Variants in UNC13C observed in about 807,000 individuals in gnomAD.
UNC13C encodes unc-13 homolog C.
Under a neutral mutation model 245.4 loss-of-function variants are expected in UNC13C, and 174 were observed. That is an observed-to-expected ratio of 0.71 (90% CI 0.63 to 0.80). The LOEUF (loss-of-function observed/expected upper bound fraction) is 0.80, where lower values mean the gene tolerates loss of function less well. Ranked by LOEUF, UNC13C falls within the 30% of genes least tolerant of loss-of-function variation. The pLI, the probability that UNC13C is intolerant of heterozygous loss-of-function variation, is 0.00. For synonymous variants in UNC13C, 992 were observed against 895.1 expected (o/e 1.11, Z -1.93); for missense variants, 2,829 against 2,602.9 (o/e 1.09, Z -1.89).
At chr15:54,511,488 A>G (rs950551026) in intron 23 of UNC13C, among the ~76,000 whole-genome samples, 1 of 152,172 alleles carries the variant, frequency 6.6e-6, no homozygotes, top group African/African-American at 2.4e-5. Context: ...TTACAATGTT[A>G]AAGATAAAAG....
At chr15:54,602,740 C>G (rs1341544006) in intron 30 of UNC13C, among the ~76,000 whole-genome samples, 1 of 152,124 alleles carries the variant, frequency 6.6e-6, no homozygotes, top group East Asian at 1.9e-4. Flanking sequence ...TCAGTCACAG[C>G]CCCCACCCTC....
intron 1 of UNC13C, among the ~76,000 whole-genome samples, chr15:53,980,656 T>TA (rs773518185): frequency 9.8e-5 from 15 of 152,328 alleles, no homozygotes; most frequent in South Asian, 8.3e-4. Flanking sequence ...AGGTAAGGGT[T>TA]TATTTCCTAG....
At chr15:54,368,921 A>C in intron 17 of UNC13C, among the ~76,000 whole-genome samples, 1 of 152,134 alleles carries the variant, frequency 6.6e-6, no homozygotes, top group East Asian at 1.9e-4. Context: ...ATAAAGTCCA[A>C]AGAGTAAATG....
intron 30 of UNC13C, among the ~76,000 whole-genome samples, chr15:54,579,268 G>T (rs1275634044): frequency 6.6e-6 from 1 of 151,994 alleles, no homozygotes; most frequent in Non-Finnish European, 1.5e-5. Flanking sequence ...ATGGTTTTCT[G>T]TACTTTCAAA....
chr15:54,479,641 G>T (rs190198056), intron 19 of UNC13C, among the ~76,000 whole-genome samples: 3 of 150,982 alleles, frequency 2.0e-5, no homozygotes, highest in Non-Finnish European at 3.0e-5. Context: ...TCATATATCC[G>T]TTTTTCTTTA....
intron 10 of UNC13C, among the ~76,000 whole-genome samples, chr15:54,278,066 T>C (rs1398570305): frequency 1.3e-5 from 2 of 152,102 alleles, no homozygotes; most frequent in Non-Finnish European, 2.9e-5. Context: ...ATAACTCTTA[T>C]GTCAATGCTC....
chr15:54,111,435 A>G (rs751798831), intron 2 of UNC13C, among the ~76,000 whole-genome samples: 2 of 152,236 alleles, frequency 1.3e-5, no homozygotes, highest in Non-Finnish European at 2.9e-5. Context: ...AATCCCAATT[A>G]TAAAGCAAAT....
chr15:54,162,437 A>G (rs1297407183), intron 4 of UNC13C, among the ~76,000 whole-genome samples: 4 of 152,218 alleles, frequency 2.6e-5, no homozygotes, highest in African/African-American at 9.6e-5. Flanking sequence ...CAGAGAACAT[A>G]TGAAATATTG....
intron 4 of UNC13C, among the ~76,000 whole-genome samples, chr15:54,207,327 A>G (rs1414248925): frequency 1.3e-5 from 2 of 152,048 alleles, no homozygotes; most frequent in Non-Finnish European, 2.9e-5. Flanking sequence ...GATTAGTTTC[A>G]GAAAAAAGCT....
At chr15:54,420,667 T>C (rs1189127329) in intron 19 of UNC13C, among the ~76,000 whole-genome samples, 1 of 152,068 alleles carries the variant, frequency 6.6e-6, no homozygotes, top group African/African-American at 2.4e-5. Context: ...ACAAAAATAA[T>C]AGTCAGTGTG....
At chr15:54,017,294 T>C (rs1031822449) in intron 2 of UNC13C, among the ~76,000 whole-genome samples, 3 of 152,206 alleles carry the variant, frequency 2.0e-5, no homozygotes, top group African/African-American at 7.2e-5. Context: ...AGTCAAATGT[T>C]ATGCAAATGT....
the UNC13C span, among the ~76,000 whole-genome samples, chr15:53,935,925 T>C: frequency 2.0e-5 from 3 of 152,060 alleles, no homozygotes; most frequent in Non-Finnish European, 2.9e-5. Context: ...CACAGAAACC[T>C]AGGAGTTGTT....
chr15:54,131,531 T>C (rs2031413854), intron 2 of UNC13C, among the ~76,000 whole-genome samples: 1 of 152,222 alleles, frequency 6.6e-6, no homozygotes, highest in Non-Finnish European at 1.5e-5. Flanking sequence ...TAATGAAATC[T>C]TATGAATTCT....
chr15:54,420,225 G>A (rs1356164737), intron 19 of UNC13C, among the ~76,000 whole-genome samples: 2 of 151,954 alleles, frequency 1.3e-5, no homozygotes, highest in African/African-American at 4.8e-5. Context: ...TCCTGTTGTT[G>A]AAGAACTGAT....
intron 10 of UNC13C, among the ~76,000 whole-genome samples, chr15:54,273,752 G>A (rs769919464): frequency 1.3e-5 from 2 of 152,086 alleles, no homozygotes; most frequent in African/African-American, 4.8e-5. Context: ...TTCAAGATCC[G>A]AAAACTAAAA....
intron 4 of UNC13C, among the ~76,000 whole-genome samples, chr15:54,164,367 A>G (rs1203268131): frequency 6.6e-6 from 1 of 152,230 alleles, no homozygotes; most frequent in Non-Finnish European, 1.5e-5. Context: ...AATTGTATAT[A>G]ACGTTTTCCT....
chr15:54,022,690 A>C (rs1895952237), intron 2 of UNC13C, among the ~76,000 whole-genome samples: 2 of 152,154 alleles, frequency 1.3e-5, no homozygotes, highest in South Asian at 4.1e-4. Context: ...ATTTTCTTCC[A>C]ATTCATGGAT....
At chr15:53,931,183 TTTTGAG>T in the UNC13C span, among the ~76,000 whole-genome samples, 1 of 152,110 alleles carries the variant, frequency 6.6e-6, no homozygotes. Flanking sequence ...ATTTATTTAT[TTTTGAG>T]ACAGAGTCTT....
At chr15:54,184,951 A>T (rs1280557210) in intron 4 of UNC13C, among the ~76,000 whole-genome samples, 3 of 152,006 alleles carry the variant, frequency 2.0e-5, no homozygotes, top group Non-Finnish European at 4.4e-5. Flanking sequence ...CTTTTTAATG[A>T]TCACCATTCT....
Sources: allele counts gnomAD v4.1 joint callset (sites outside exome capture counted in the v4.1 genomes callset), GRCh38; gene constraint gnomAD v4.1.1; transcripts MANE v1.5; gene names NCBI Gene and HGNC (gene_info 2026-07-23, HGNC 2026-07-21).